The following VEGFC variants were observed in gnomAD, a reference collection of about 807,000 sequenced individuals.
The protein encoded by VEGFC is vascular endothelial growth factor C.
Under a neutral mutation model 46.1 loss-of-function variants are expected in VEGFC, and 12 were observed. The observed-to-expected ratio is 0.26, with a 90% confidence interval of 0.17 to 0.42. The LOEUF is 0.42. Among genes scored for constraint, VEGFC ranks in the 10% least tolerant of loss-of-function variants. The probability of loss-of-function intolerance (pLI) is 1.00; values close to 1 mark genes in which losing one functional copy is unlikely to be tolerated. For synonymous variants in VEGFC, 232 were observed against 195.5 expected (o/e 1.19, Z -1.56); for missense variants, 488 against 529.4 (o/e 0.92, Z 0.77).
chr4:176,695,815 C>A lies in VEGFC; in HGVS notation c.705-7888G>T, dbSNP rs565712048. Among the ~76,000 whole-genome samples, 79 of 152,220 alleles carry A rather than the reference C, an allele frequency of 5.2e-4. 2 individuals carry two copies. The East Asian group carries it at 0.014, about 28-fold the overall frequency. ...CGGGCTTCATCCCTGGGATGCAAGACTGGTTCAATATATGCAAATCAATAA... is the reference window on the plus strand; with the variant it reads ...CGGGCTTCATCCCTGGGATGCAAGAATGGTTCAATATATGCAAATCAATAA... On this transcript the variant is annotated intron_variant, in intron 4 of 6. Transcript: ENST00000618562.
chr4:176,779,376 T>C (rs1013702519), intron 1 of VEGFC, among the ~76,000 whole-genome samples: 4 of 152,170 alleles, frequency 2.6e-5, no homozygotes, highest in African/African-American at 9.7e-5. Context: ...TAAAAGTAGT[T>C]TGAAGTAAGA....
At chr4:176,760,899 C>T (rs1033436948) in intron 1 of VEGFC, among the ~76,000 whole-genome samples, 11 of 152,106 alleles carry the variant, frequency 7.2e-5, no homozygotes, top group Non-Finnish European at 1.3e-4. Context: ...ATCACTCACT[C>T]GTGGTACTAG....
intron 1 of VEGFC, among the ~76,000 whole-genome samples, chr4:176,775,796 C>T (rs1735805043): frequency 6.6e-6 from 1 of 152,118 alleles, no homozygotes; most frequent in South Asian, 2.1e-4. Context: ...TCTGAGACTT[C>T]TCATCCAAGT....
At chr4:176,747,738 G>A (rs1367593156) in intron 1 of VEGFC, among the ~76,000 whole-genome samples, 1 of 152,060 alleles carries the variant, frequency 6.6e-6, no homozygotes, top group Non-Finnish European at 1.5e-5. Context: ...GCTGCAGTGA[G>A]CTACAATTGT....
intron 1 of VEGFC, among the ~76,000 whole-genome samples, chr4:176,740,804 G>A (rs1418689082): frequency 2.0e-5 from 3 of 151,648 alleles, no homozygotes; most frequent in East Asian, 3.9e-4. Context: ...CGAAGTTCAG[G>A]TGATTTTTGT....
At chr4:176,718,569 T>C (rs1260565822) in intron 3 of VEGFC, among the ~76,000 whole-genome samples, 2 of 152,140 alleles carry the variant, frequency 1.3e-5, no homozygotes, top group Non-Finnish European at 2.9e-5. Flanking sequence ...GTTTTTAAGA[T>C]GGCAATGTAG....
At chr4:176,718,203 C>G (rs1169837094) in intron 3 of VEGFC, among the ~76,000 whole-genome samples, 3 of 152,090 alleles carry the variant, frequency 2.0e-5, no homozygotes, top group Non-Finnish European at 4.4e-5. Flanking sequence ...TTTTCCACAT[C>G]AGGATAAAAC....
At chr4:176,773,620 G>C (rs766023864) in intron 1 of VEGFC, among the ~76,000 whole-genome samples, 1 of 152,124 alleles carries the variant, frequency 6.6e-6, no homozygotes, top group Non-Finnish European at 1.5e-5. Context: ...GCAAATAGTA[G>C]AGAGGTTAAA....
chr4:176,726,238 T>C (rs1027091675), intron 3 of VEGFC, among the ~76,000 whole-genome samples: 7 of 152,172 alleles, frequency 4.6e-5, no homozygotes, highest in Non-Finnish European at 8.8e-5. Flanking sequence ...TGGTAAAGTT[T>C]CTAAATGCAG....
At chr4:176,685,179 A>C (rs968011395) in intron 6 of VEGFC, among the ~76,000 whole-genome samples, 1 of 152,208 alleles carries the variant, frequency 6.6e-6, no homozygotes, top group African/African-American at 2.4e-5. Context: ...CATTTCATTT[A>C]TTTGGCTCTA....
At chr4:176,689,557 GC>G (rs1476769132) in intron 4 of VEGFC, 1 of 152,110 alleles carries the variant, frequency 6.6e-6, no homozygotes, top group Non-Finnish European at 1.5e-5. Flanking sequence ...GTCGAAGATT[GC>G]CCCCTTGTCC....
intron 1 of VEGFC, among the ~76,000 whole-genome samples, chr4:176,771,417 A>G (rs1735720438): frequency 6.6e-6 from 1 of 152,224 alleles, no homozygotes; most frequent in South Asian, 2.1e-4. Flanking sequence ...TACTTACCAA[A>G]AAAAATTGTT....
chr4:176,723,235 C>A (rs1220018180), intron 3 of VEGFC, among the ~76,000 whole-genome samples: 1 of 152,056 alleles, frequency 6.6e-6, no homozygotes, highest in Non-Finnish European at 1.5e-5. Context: ...ATCTATATCT[C>A]ATCTAGTCAT....
At chr4:176,764,365 G>T (rs1370311057) in intron 1 of VEGFC, among the ~76,000 whole-genome samples, 1 of 152,176 alleles carries the variant, frequency 6.6e-6, no homozygotes, top group Non-Finnish European at 1.5e-5. Flanking sequence ...GGCCTTTAAA[G>T]GCAGTCAGAT....
At chr4:176,783,218 C>T (rs919717151) in intron 1 of VEGFC, among the ~76,000 whole-genome samples, 17 of 152,206 alleles carry the variant, frequency 1.1e-4, no homozygotes, top group Non-Finnish European at 2.1e-4. Flanking sequence ...AGACAGCACA[C>T]GCTGTACTAG....
chr4:176,783,642 C>T (rs1382680589), intron 1 of VEGFC, among the ~76,000 whole-genome samples: 1 of 152,168 alleles, frequency 6.6e-6, no homozygotes, highest in African/African-American at 2.4e-5. Context: ...ATCCCAGATT[C>T]TTTGGTTTGG....
At chr4:176,700,137 C>T (rs1734400606) in intron 4 of VEGFC, among the ~76,000 whole-genome samples, 1 of 152,208 alleles carries the variant, frequency 6.6e-6, no homozygotes, top group Admixed American at 6.5e-5. Context: ...TGGGTTTAGG[C>T]TGGGCACGGT....
chr4:176,728,107 G>C, intron 2 of VEGFC, 139 bp from the exon 3 acceptor site: 1 of 588,474 alleles, frequency 1.7e-6, no homozygotes, highest in Non-Finnish European at 2.8e-6. Flanking sequence ...CAGCTGATGG[G>C]ATCCTAAATT....
intron 1 of VEGFC, among the ~76,000 whole-genome samples, chr4:176,732,254 C>T (rs1378989325): frequency 1.3e-5 from 2 of 151,744 alleles, no homozygotes; most frequent in Non-Finnish European, 2.9e-5. Context: ...ATAAATAATA[C>T]ATATTGTATG....
Sources: gnomAD v4.1 joint callset for allele counts (sites outside exome capture counted in the v4.1 genomes callset) on GRCh38, gnomAD v4.1.1 for gene constraint, MANE v1.5 for transcripts, NCBI Gene and HGNC (gene_info 2026-07-23, HGNC 2026-07-21) for gene names.